TJP2: variants seen among roughly 807,000 people sequenced by gnomAD.
TJP2 encodes Friedreich ataxia region gene X104 (tight junction protein ZO-2).
A neutral mutation model predicts 133.1 loss-of-function variants in TJP2; 91 were observed. The observed-to-expected ratio is 0.68, with a 90% CI of 0.58 to 0.81. The LOEUF is 0.81. Ranked by LOEUF, TJP2 falls within the 40% of genes least tolerant of loss-of-function variation. The pLI is 0.00. For missense variants in TJP2, 1,541 were observed against 1,565.6 expected (o/e 0.98, Z 0.26); for synonymous variants, 592 against 583.4 (o/e 1.01, Z -0.21).
Position 69,240,092 on chromosome 9 carries a change from A to G in TJP2, c.2511A>G (p.Arg837=), listed in dbSNP as rs768952474. The change falls in exon 17 of 23, where the codon CGA becomes CGG. Residue 837 remains arginine, a synonymous_variant. Coordinates refer to ENST00000377245, the MANE Select transcript of TJP2 (RefSeq NM_004817.4). ...ATCCAACGTCCAACAAAAGTTCTCGAAAGTTATTTGATCAAGCCAACAAGC... is the reference window on the plus strand; with the variant it reads ...ATCCAACGTCCAACAAAAGTTCTCGGAAGTTATTTGATCAAGCCAACAAGC... ...RLNPTSNKSS[R]KLFDQANKLK... 3 of 1,614,044 alleles carry G rather than the reference A, an allele frequency of 1.9e-6. No individual in the cohort carries two copies. Among genetic ancestry groups the G allele is most frequent in the Non-Finnish European group, 1.7e-6 (2 of 1,180,036 alleles).
At chr9:69,208,805 G>C (rs767071797) in intron 1 of TJP2, among the ~76,000 whole-genome samples, 2 of 152,098 alleles carry the variant, frequency 1.3e-5, no homozygotes, top group Non-Finnish European at 2.9e-5. Context: ...AGTTTTGTGG[G>C]GAGGATGTCA....
In TJP2 at chr9:69,221,058, G is replaced by A. The variant is rs1224008910; in HGVS notation, c.514G>A (p.Glu172Lys). ...CCATGGGGGGCGCAGCCGCAGCTGG[G>A]AGGACAGCCCGGAAAGGGGGCGTCC... ...NSHGGRSRSW[E>K]DSPERGRPHE... The change falls in exon 5 of 23, where the codon GAG (glutamate) becomes AAG (lysine). Residue 172 changes from glutamate (E) to lysine (K), a missense_variant. Coordinates refer to ENST00000377245, the MANE Select transcript of TJP2 (RefSeq NM_004817.4). 2 of 1,601,358 alleles carry A rather than the reference G, an allele frequency of 1.2e-6. No individual in the cohort carries two copies. The highest frequency in any genetic ancestry group is 1.3e-5 in the African/African-American group (1 of 74,832).
At chr9:69,122,621 AT>A (rs1822196608) in intron 1 of TJP2, among the ~76,000 whole-genome samples, 3 of 152,316 alleles carry the variant, frequency 2.0e-5, no homozygotes, top group Admixed American at 1.3e-4. Context: ...GGAGATCTTT[AT>A]GTTGGAAAAA....
intron 17 of TJP2, among the ~76,000 whole-genome samples, chr9:69,243,396 T>TA (rs1250602428): frequency 6.6e-6 from 1 of 152,242 alleles, no homozygotes; most frequent in African/African-American, 2.4e-5. Context: ...TTACAAGTCT[T>TA]ACAGTACTTC....
chr9:69,182,751 A>G (rs1266849328), intron 1 of TJP2, among the ~76,000 whole-genome samples: 1 of 151,316 alleles, frequency 6.6e-6, no homozygotes, highest in Non-Finnish European at 1.5e-5. Flanking sequence ...ATACATATAC[A>G]CACACACAAA....
At chr9:69,145,880 G>T in intron 1 of TJP2, 3 of 1,096,540 alleles carry the variant, frequency 2.7e-6, no homozygotes, top group Non-Finnish European at 3.5e-6. Flanking sequence ...TCTGTTTTGG[G>T]GACCCATATA....
intron 1 of TJP2, among the ~76,000 whole-genome samples, chr9:69,137,618 C>G (rs1383701713): frequency 6.6e-6 from 1 of 152,002 alleles, no homozygotes; most frequent in Non-Finnish European, 1.5e-5. Context: ...CCCGCTTCGG[C>G]CTCCCAAAGT....
At chr9:69,250,098 A>G (rs184519891) in intron 20 of TJP2, among the ~76,000 whole-genome samples, 41 of 152,218 alleles carry the variant, frequency 2.7e-4, no homozygotes, top group Admixed American at 3.9e-4. Context: ...TCAATAATTT[A>G]TTATTTATTA....
intron 17 of TJP2, among the ~76,000 whole-genome samples, chr9:69,244,516 A>T (rs574747277): frequency 6.6e-6 from 1 of 152,230 alleles, no homozygotes; most frequent in South Asian, 2.1e-4. Context: ...TCCTTTCAGT[A>T]TTTCACTTTC....
At chr9:69,231,479 G>A (rs1323007756) in intron 11 of TJP2, among the ~76,000 whole-genome samples, 1 of 151,524 alleles carries the variant, frequency 6.6e-6, no homozygotes, top group African/African-American at 2.4e-5. Flanking sequence ...TCTTGTTAAT[G>A]TTAGTAAAAA....
At position 69,228,130 on chromosome 9, in the gene TJP2, C is replaced by T. The variant is rs1432706029; in HGVS notation, c.1453+16C>T. 4.4e-6 allele frequency: 7 copies of T among 1,589,298 alleles called. No homozygotes were observed. Among genetic ancestry groups the T allele is most frequent in the Non-Finnish European group, 6.0e-6 (7 of 1,167,494 alleles). ...GACCCCCCAGGTGAGCCATTAAGAC[C>T]ACTCAGTTTCAACAGTTGTGTTCAG... On this transcript the variant is annotated intron_variant, in intron 9 of 22. Transcript: ENST00000377245.
At chr9:69,185,079 T>C (rs1180733001) in intron 1 of TJP2, among the ~76,000 whole-genome samples, 2 of 150,958 alleles carry the variant, frequency 1.3e-5, no homozygotes, top group East Asian at 3.9e-4. Flanking sequence ...TTTTTTTTTT[T>C]GAGACAGAGT....
chr9:69,218,481 G>C, intron 4 of TJP2, 122 bp downstream of exon 4: 2 of 756,006 alleles, frequency 2.6e-6, no homozygotes, highest in Non-Finnish European at 4.7e-6. Context: ...GCTGTTCTTG[G>C]ATCCTCAGTA....
intron 2 of TJP2, among the ~76,000 whole-genome samples, chr9:69,162,498 C>A (rs536156506): frequency 6.6e-6 from 1 of 152,294 alleles, no homozygotes; most frequent in South Asian, 2.1e-4. Context: ...TCAGGAGTTT[C>A]ATTCATCTGA....
intron 5 of TJP2, among the ~76,000 whole-genome samples, chr9:69,221,800 C>T (rs1828887848): frequency 6.6e-6 from 1 of 151,728 alleles, no homozygotes. Flanking sequence ...GATCCGTCCA[C>T]CTGAATCTCT....
chr9:69,173,991 G>A (rs113137067), upstream of TJP2: 3,680 of 985,062 alleles, frequency 3.7e-3, 94 homozygotes, highest in African/African-American at 0.059. Context: ...GCTGCGGGCC[G>A]CTCGGGCCTT....
chr9:69,134,011 C>T (rs4745625), intron 1 of TJP2, among the ~76,000 whole-genome samples: 138,780 of 152,184 alleles, frequency 0.91, 63,428 homozygotes, highest in East Asian at 1. Context: ...GACAGGATTG[C>T]TCATGCTCTC....
At chr9:69,237,755 T>C (rs1038030938) in intron 14 of TJP2, 123 bp from the exon 15 acceptor site, 12 of 737,378 alleles carry the variant, frequency 1.6e-5, no homozygotes, top group Non-Finnish European at 2.4e-5. Flanking sequence ...CCAAGCTGAA[T>C]TGGGGAGAAA....
At position 69,174,918 on chromosome 9, in the gene TJP2, T is replaced by G. The variant is rs1053241664; in HGVS notation, c.60+486T>G. On this transcript the variant is annotated intron_variant, in intron 1 of 22. Transcript: ENST00000377245. ...AATAGAAGTAAAAGTTGTTTTTTTT[T>G]TTTTTTTTTTCCAGTAGGGAATGGG... Among the ~76,000 whole-genome samples, 394 of 151,996 alleles carry G rather than the reference T, an allele frequency of 2.6e-3. 1 individual carries two copies. Among genetic ancestry groups the G allele is most frequent in the African/African-American group, 8.5e-3 (352 of 41,468 alleles).
Sources: gnomAD v4.1 joint callset for allele counts (sites outside exome capture counted in the v4.1 genomes callset) on GRCh38, gnomAD v4.1.1 for gene constraint, MANE v1.5 for transcripts, NCBI Gene and HGNC (gene_info 2026-07-23, HGNC 2026-07-21) for gene names.